Variants in N4BP2 observed in about 807,000 individuals in gnomAD.
N4BP2 encodes the protein NEDD4-binding protein 2.
In N4BP2, 91 loss-of-function variants were observed where a neutral mutation model predicts 152.8. The ratio of observed to expected loss-of-function variants is 0.60; its 90% CI spans 0.50 to 0.71. The LOEUF (loss-of-function observed/expected upper bound fraction) is 0.71, where lower values mean the gene tolerates loss of function less well. N4BP2 is among the 30% of genes least tolerant of loss of function. The pLI is 0.00. For synonymous variants in N4BP2, 646 were observed against 705.3 expected, an observed-to-expected ratio of 0.92 and a Z score of 1.33; for missense variants, 1,923 against 2,059.1, an observed-to-expected ratio of 0.93 and a Z score of 1.28.
At chr4:40,153,221 A>G (rs1721295552) in intron 17 of N4BP2, among the ~76,000 whole-genome samples, 1 of 152,240 alleles carries the variant, frequency 6.6e-6, no homozygotes, top group African/African-American at 2.4e-5. Flanking sequence ...ATAAATTTAA[A>G]GTTCTAAAAG....
intron 3 of N4BP2, 54 bp downstream of exon 3, chr4:40,097,623 C>A: frequency 9.9e-7 from 1 of 1,014,298 alleles, no homozygotes; most frequent in Non-Finnish European, 1.5e-6. Context: ...ACTTTGTGTA[C>A]TATGCCATGA....
intron 1 of N4BP2, among the ~76,000 whole-genome samples, chr4:40,064,747 G>A (rs1191440811): frequency 2.0e-5 from 3 of 152,056 alleles, no homozygotes; most frequent in African/African-American, 7.2e-5. Flanking sequence ...CTAAAGAAAA[G>A]TAAATTGAAC....
At chr4:40,079,421 TG>T (rs1713129348) in intron 2 of N4BP2, among the ~76,000 whole-genome samples, 1 of 148,228 alleles carries the variant, frequency 6.7e-6, no homozygotes, top group Non-Finnish European at 1.5e-5. Flanking sequence ...CCACCCTGGA[TG>T]GTTTTTTTTT....
At chr4:40,119,480 C>G (rs181489921) in intron 8 of N4BP2, among the ~76,000 whole-genome samples, 1 of 152,052 alleles carries the variant, frequency 6.6e-6, no homozygotes, top group Non-Finnish European at 1.5e-5. Context: ...TTCTCTTAAT[C>G]GGGCAAATAG....
chr4:40,104,119 C>CT (rs1716002362), intron 4 of N4BP2, among the ~76,000 whole-genome samples: 1 of 151,866 alleles, frequency 6.6e-6, no homozygotes, highest in Admixed American at 6.6e-5. Context: ...CGCCCAGCTA[C>CT]TTTTTTGTAT....
chr4:40,163,060 G>C (rs1461372785), downstream of N4BP2, among the ~76,000 whole-genome samples: 1 of 152,188 alleles, frequency 6.6e-6, no homozygotes, highest in Non-Finnish European at 1.5e-5. Flanking sequence ...TTATGACTTA[G>C]TATTGGAAGT....
chr4:40,057,358 G>A (rs1733279031), intron 1 of N4BP2, among the ~76,000 whole-genome samples: 1 of 152,144 alleles, frequency 6.6e-6, no homozygotes, highest in African/African-American at 2.4e-5. Flanking sequence ...CACCCCTCTC[G>A]ACCCCCCGAG....
chr4:40,131,634 T>C (rs963006601), intron 12 of N4BP2, among the ~76,000 whole-genome samples, 167 bp from the exon 13 acceptor site: 1 of 152,202 alleles, frequency 6.6e-6, no homozygotes, highest in Non-Finnish European at 1.5e-5. Flanking sequence ...TATAAATAAA[T>C]AGTGCAAGAG....
chr4:40,117,065 A>AT (rs1232923898), intron 7 of N4BP2, among the ~76,000 whole-genome samples: 5 of 151,872 alleles, frequency 3.3e-5, no homozygotes, highest in South Asian at 2.1e-4. Flanking sequence ...TGGATTTCTT[A>AT]TTTTTTTATC....
At chr4:40,114,268 G>A (rs1413895097) in intron 7 of N4BP2, among the ~76,000 whole-genome samples, 2 of 151,758 alleles carry the variant, frequency 1.3e-5, no homozygotes, top group African/African-American at 4.8e-5. Flanking sequence ...ACTAACTTTA[G>A]TACTAAAGGA....
intron 1 of N4BP2, among the ~76,000 whole-genome samples, chr4:40,059,167 A>T (rs1167052915): frequency 6.6e-6 from 1 of 152,080 alleles, no homozygotes; most frequent in Admixed American, 6.6e-5. Flanking sequence ...CTCCCTTTTC[A>T]TCATGATTAG....
At chr4:40,123,578 T>C (rs1718131140) in intron 10 of N4BP2, among the ~76,000 whole-genome samples, 1 of 152,084 alleles carries the variant, frequency 6.6e-6, no homozygotes, top group Non-Finnish European at 1.5e-5. Context: ...CTTGAACTAC[T>C]GGGCACATGA....
At chr4:40,061,611 C>T (rs558545040) in intron 1 of N4BP2, among the ~76,000 whole-genome samples, 706 of 150,400 alleles carry the variant, frequency 4.7e-3, no homozygotes, top group Non-Finnish European at 7.6e-3. Flanking sequence ...GTGATCCGCC[C>T]GCCTCAGCCT....
the N4BP2 span, among the ~76,000 whole-genome samples, chr4:40,188,466 C>T: frequency 1.3e-5 from 2 of 152,106 alleles, no homozygotes; most frequent in African/African-American, 2.4e-5. Context: ...TTAACTGGGC[C>T]GGATGCAGTG....
chr4:40,116,040 C>A (rs1717308680), intron 7 of N4BP2, among the ~76,000 whole-genome samples: 1 of 151,960 alleles, frequency 6.6e-6, no homozygotes, highest in South Asian at 2.1e-4. Flanking sequence ...TTATTATTTT[C>A]TAGTGATTTT....
intron 16 of N4BP2, 99 bp from the exon 17 acceptor site, chr4:40,152,681 A>G: frequency 1.4e-6 from 2 of 1,390,402 alleles, no homozygotes; most frequent in Admixed American, 2.0e-5. Context: ...CAAAATCCTC[A>G]TGAAAACAAT....
chr4:40,075,114 C>A (rs1370009300), intron 2 of N4BP2, among the ~76,000 whole-genome samples: 1 of 152,012 alleles, frequency 6.6e-6, no homozygotes, highest in Non-Finnish European at 1.5e-5. Flanking sequence ...ATGTGTGGTA[C>A]TATGCATAGT....
the N4BP2 span, among the ~76,000 whole-genome samples, chr4:40,185,079 T>C: frequency 6.6e-6 from 1 of 152,164 alleles, no homozygotes; most frequent in Admixed American, 6.5e-5. Flanking sequence ...AAAATAACAG[T>C]TTTTCTCTAT....
At chr4:40,087,536 T>C (rs1452607041) in intron 2 of N4BP2, among the ~76,000 whole-genome samples, 2 of 151,484 alleles carry the variant, frequency 1.3e-5, no homozygotes, top group African/African-American at 4.9e-5. Flanking sequence ...GCTAATTTTT[T>C]GTATTTTTAG....
Sources: gnomAD v4.1 joint callset for allele counts (sites outside exome capture counted in the v4.1 genomes callset) on GRCh38, gnomAD v4.1.1 for gene constraint, MANE v1.5 for transcripts, NCBI Gene and HGNC (gene_info 2026-07-23, HGNC 2026-07-21) for gene names.